RLN2: variants seen among roughly 807,000 people sequenced by gnomAD.
RLN2 encodes the protein relaxin 2.
A neutral mutation model predicts 7.3 loss-of-function variants in RLN2; 10 were observed. The ratio of observed to expected loss-of-function variants is 1.36; its 90% CI spans 0.84 to 2.31. The LOEUF is 2.31. Among genes scored for constraint, RLN2 ranks in the 30% most tolerant of loss-of-function variants. RLN2 has a pLI of 0.00. For synonymous variants in RLN2, 103 were observed against 82.3 expected (o/e 1.25, Z -1.36); for missense variants, 298 against 217.6 (o/e 1.37, Z -2.32).
chr9:5,318,005 T>TAC, the RLN2 span, among the ~76,000 whole-genome samples: 2 of 136,110 alleles, frequency 1.5e-5, no homozygotes, highest in African/African-American at 6.3e-5. Context: ...TGTGTGTGTG[T>TAC]GCGTGTGTGT....
the RLN2 span, among the ~76,000 whole-genome samples, chr9:5,321,920 G>A: frequency 1.1e-4 from 17 of 152,036 alleles, no homozygotes; most frequent in Non-Finnish European, 2.1e-4. Flanking sequence ...TAGCTTTGAG[G>A]CAGCCCTGAG....
upstream of RLN2, among the ~76,000 whole-genome samples, chr9:5,307,105 G>A (rs1032596113): frequency 2.6e-5 from 4 of 152,158 alleles, no homozygotes; most frequent in Admixed American, 6.5e-5. Context: ...AGCTGCCTGG[G>A]AGGGTGGGAA....
chr9:5,315,620 C>A, the RLN2 span, among the ~76,000 whole-genome samples: 1 of 152,070 alleles, frequency 6.6e-6, no homozygotes, highest in East Asian at 1.9e-4. Context: ...ACAGATTGAT[C>A]TCAAATAGGT....
chr9:5,335,607 T>C, the RLN2 span: 1 of 1,572,058 alleles, frequency 6.4e-7, no homozygotes, highest in Non-Finnish European at 8.7e-7. Flanking sequence ...TCTGTTAAGT[T>C]TAAAAAAAAA....
chr9:5,325,499 G>A, the RLN2 span, among the ~76,000 whole-genome samples: 1 of 151,940 alleles, frequency 6.6e-6, no homozygotes, highest in Non-Finnish European at 1.5e-5. Flanking sequence ...GAGAGAACTC[G>A]TAATTAAGAT....
At chr9:5,307,099 G>A (rs1047033891), upstream of RLN2, among the ~76,000 whole-genome samples, 2 of 152,032 alleles carry the variant, frequency 1.3e-5, no homozygotes, top group Non-Finnish European at 2.9e-5. Context: ...AGACACAGCT[G>A]CCTGGGAGGG....
chr9:5,330,226 C>G, the RLN2 span, among the ~76,000 whole-genome samples: 1 of 151,986 alleles, frequency 6.6e-6, no homozygotes, highest in African/African-American at 2.4e-5. Context: ...AACAAAGACA[C>G]AATGTACCAG....
chr9:5,315,194 G>C, the RLN2 span, among the ~76,000 whole-genome samples: 2 of 152,022 alleles, frequency 1.3e-5, no homozygotes, highest in South Asian at 4.1e-4. Flanking sequence ...AGATAGATCT[G>C]AGAGAATACA....
the RLN2 span, among the ~76,000 whole-genome samples, chr9:5,330,434 C>A: frequency 1.3e-5 from 2 of 151,600 alleles, no homozygotes; most frequent in Admixed American, 6.6e-5. Context: ...GTCAGGAGAT[C>A]GAGACCATCC....
intron 1 of RLN2, among the ~76,000 whole-genome samples, chr9:5,301,329 C>T (rs765332352): frequency 6.6e-6 from 1 of 152,214 alleles, no homozygotes; most frequent in Non-Finnish European, 1.5e-5. Flanking sequence ...CATCTTCCTC[C>T]ATCTTTGCAC....
At chr9:5,331,519 G>C in the RLN2 span, among the ~76,000 whole-genome samples, 1 of 151,878 alleles carries the variant, frequency 6.6e-6, no homozygotes, top group African/African-American at 2.4e-5. Flanking sequence ...CCTTTGCAGG[G>C]ACATGGATGA....
At chr9:5,332,031 T>A in the RLN2 span, among the ~76,000 whole-genome samples, 1 of 151,884 alleles carries the variant, frequency 6.6e-6, no homozygotes, top group African/African-American at 2.4e-5. Context: ...AAAAATGGGA[T>A]GAAGGCAAAT....
At chr9:5,320,544 T>C in the RLN2 span, among the ~76,000 whole-genome samples, 78 of 151,306 alleles carry the variant, frequency 5.2e-4, 1 homozygote, top group Non-Finnish European at 1.1e-3. Context: ...CTACGTTTTG[T>C]GTTTTTAGTA....
At chr9:5,333,516 G>A in the RLN2 span, among the ~76,000 whole-genome samples, 7 of 151,956 alleles carry the variant, frequency 4.6e-5, no homozygotes, top group Non-Finnish European at 8.8e-5. Flanking sequence ...CTGAAATTGA[G>A]GCAGTAATGA....
chr9:5,334,542 T>A, the RLN2 span, among the ~76,000 whole-genome samples: 78 of 152,100 alleles, frequency 5.1e-4, 3 homozygotes, highest in African/African-American at 1.4e-3. Context: ...GAAGTGAACA[T>A]AAGGTATGTT....
Position 5,304,404 on chromosome 9 carries a change from C to T in RLN2, c.177G>A (p.Gln59=). Residue 59 remains glutamine (Q), a synonymous_variant, in exon 1 of 2, where the codon CAG becomes CAA. Transcript: ENST00000381627. ...GTCTAGGTGTCTGAGGAGCATCTTC[C>T]TGGCTCAGAGACCTTTTGCTCCAGG... The part of the protein sequence containing the change: ...MSTWSKRSLS[Q]EDAPQTPRPV... The T allele has an allele frequency of 1.2e-6, 2 of 1,609,286 alleles. No homozygotes were observed. Among genetic ancestry groups the T allele is most frequent in the South Asian group, 1.1e-5 (1 of 90,750 alleles).
the RLN2 span, chr9:5,335,621 T>C: frequency 6.7e-7 from 1 of 1,487,334 alleles, no homozygotes; most frequent in South Asian, 1.2e-5. Flanking sequence ...AAAAAAAGTG[T>C]ATGTGAAGGC....
At chr9:5,320,908 G>A in the RLN2 span, among the ~76,000 whole-genome samples, 2 of 151,918 alleles carry the variant, frequency 1.3e-5, no homozygotes, top group East Asian at 3.9e-4. Flanking sequence ...AGCCAGCTAT[G>A]GATAAATCTA....
At chr9:5,333,771 A>G in the RLN2 span, among the ~76,000 whole-genome samples, 1 of 152,042 alleles carries the variant, frequency 6.6e-6, no homozygotes, top group African/African-American at 2.4e-5. Context: ...AAAATCCTCA[A>G]TAAACACTGG....
Sources: gnomAD v4.1 joint callset for allele counts (sites outside exome capture counted in the v4.1 genomes callset) on GRCh38, gnomAD v4.1.1 for gene constraint, MANE v1.5 for transcripts, NCBI Gene and HGNC (gene_info 2026-07-23, HGNC 2026-07-21) for gene names.